The following MCM8 variants were observed in gnomAD, a reference collection of about 807,000 sequenced individuals.
The protein encoded by MCM8 is minichromosome maintenance 8 homologous recombination repair factor, also known as DNA helicase MCM8.
In MCM8, 85 loss-of-function variants were observed where a neutral mutation model predicts 98.9. The ratio of observed to expected loss-of-function variants is 0.86; its 90% CI spans 0.72 to 1.03. MCM8 has a LOEUF of 1.03. Among genes scored for constraint, MCM8 ranks in the 50% least tolerant of loss-of-function variants. MCM8 has a pLI of 0.00. For missense variants in MCM8, 951 were observed against 997.8 expected (o/e 0.95, Z 0.63); for synonymous variants, 352 against 338.6 (o/e 1.04, Z -0.44).
intron 7 of MCM8, among the ~76,000 whole-genome samples, chr20:5,959,331 C>T (rs928343262): frequency 2.0e-5 from 3 of 152,116 alleles, no homozygotes; most frequent in African/African-American, 7.2e-5. Context: ...CCTTTATTTG[C>T]TCCCTAGATG....
intron 13 of MCM8, among the ~76,000 whole-genome samples, chr20:5,982,499 G>C (rs2089649041): frequency 6.6e-6 from 1 of 152,114 alleles, no homozygotes; most frequent in African/African-American, 2.4e-5. Context: ...TATGTTTAAA[G>C]AGATTAAGTG....
In MCM8 at chr20:5,995,593, A is replaced by AT. The variant is rs2089945652; in HGVS notation, c.*1203dup. On this transcript the variant is annotated 3_prime_UTR_variant, in exon 19 of 19. Coordinates refer to ENST00000610722, the MANE Select transcript of MCM8 (RefSeq NM_032485.6). ...TTGCTGAATTCAAAAAAGAAGTTGC[A>AT]TACAAAGACATCTGATTGAAAAAGG... is the stretch of plus-strand genomic sequence containing the variant. The AT allele has an allele frequency of 6.6e-6, 1 of 152,252 alleles. No individual in the cohort carries two copies. Among genetic ancestry groups the AT allele is most frequent in the African/African-American group, 2.4e-5 (1 of 41,478 alleles). 9.4% of individuals were successfully genotyped at this position (152,252 alleles called of 1,614,324 possible).
chr20:5,968,776 T>G (rs2122725796), intron 10 of MCM8, among the ~76,000 whole-genome samples: 1 of 152,340 alleles, frequency 6.6e-6, no homozygotes, highest in South Asian at 2.1e-4. Flanking sequence ...ATACAAGAAG[T>G]TTGTCACTCA....
chr20:5,973,140 GACCCCC>G lies in MCM8; in HGVS notation c.1342_1347del (p.Pro448_His449del), dbSNP rs753814462. On this transcript the variant is annotated inframe_deletion, in exon 12 of 19. Transcript: ENST00000610722. ...CAAAAACAGAATTCCAATTCGGGGA[GACCCCC>G]ACATCCTTGTTGTTGGAGATCCAGG... 1.2e-6 allele frequency: 2 copies of G among 1,614,220 alleles called. No homozygotes were observed. Among genetic ancestry groups the G allele is most frequent in the Non-Finnish European group, 1.7e-6 (2 of 1,180,034 alleles).
intron 13 of MCM8, among the ~76,000 whole-genome samples, chr20:5,978,463 T>C (rs1378377366): frequency 6.6e-6 from 1 of 152,196 alleles, no homozygotes; most frequent in Admixed American, 6.5e-5. Context: ...TTACTATGAT[T>C]TAGCTCTAAA....
At chr20:5,952,842 A>G (rs1446712647) in intron 3 of MCM8, among the ~76,000 whole-genome samples, 4 of 152,264 alleles carry the variant, frequency 2.6e-5, no homozygotes, top group Non-Finnish European at 5.9e-5. Context: ...GGAAGCAGCA[A>G]CCATCCTTAT....
At position 5,957,214 on chromosome 20, in the gene MCM8, C is replaced by T. The variant is rs2089009080; in HGVS notation, c.575C>T (p.Pro192Leu). ...GATGGAGAAACAATGGTAAATGTGC[C>T]ACATATTCATGCAAGGTGAGGAATT... ...SNDGETMVNV[P>L]HIHARVYNYE... Residue 192 changes from proline to leucine, a missense_variant, in exon 6 of 19, where the codon CCA becomes CTA. Transcript: ENST00000610722. The T allele has an allele frequency of 6.2e-7, 1 of 1,612,288 alleles. No homozygotes were observed. The highest frequency in any genetic ancestry group is 8.5e-7 in the Non-Finnish European group (1 of 1,179,098).
chr20:5,958,967 A>G (rs1164792199), intron 7 of MCM8, among the ~76,000 whole-genome samples: 2 of 151,216 alleles, frequency 1.3e-5, no homozygotes, highest in Non-Finnish European at 2.9e-5. Flanking sequence ...AATGATATAA[A>G]GCATTACTGG....
intron 3 of MCM8, 140 bp downstream of exon 3, chr20:5,952,668 G>A: frequency 6.9e-6 from 5 of 723,428 alleles, no homozygotes; most frequent in Non-Finnish European, 1.1e-5. Flanking sequence ...ATTAAATGAT[G>A]TTTATGTTTC....
At position 5,993,519 on chromosome 20, in the gene MCM8, TACTC is replaced by T; in HGVS notation, c.2255_2258del (p.Tyr752LeufsTer7). 2 of 1,569,274 alleles carry T rather than the reference TACTC, an allele frequency of 1.3e-6. No homozygotes were observed. The highest frequency in any genetic ancestry group is 1.7e-6 in the Non-Finnish European group (2 of 1,152,992). Reference sequence around the variant, plus strand: ...TTTCTTTTTAAGCATGCTAGGAACTTACTCTGATGAATTTGGGAACCTAGATTTT... The same window carrying T: ...TTTCTTTTTAAGCATGCTAGGAACTTTGATGAATTTGGGAACCTAGATTTT... On this transcript the variant is annotated frameshift_variant, in exon 18 of 19. Transcript: ENST00000610722. LOFTEE classifies it high-confidence loss of function.
intron 18 of MCM8, 101 bp downstream of exon 18, chr20:5,993,796 G>T (rs761976573): frequency 2.1e-6 from 2 of 961,206 alleles, no homozygotes; most frequent in Non-Finnish European, 1.5e-6. Flanking sequence ...ATTCATACCT[G>T]CTTCTTCTCA....
intron 18 of MCM8, 35 bp from the exon 19 acceptor site, chr20:5,994,264 C>A: frequency 7.9e-7 from 1 of 1,266,510 alleles, no homozygotes; most frequent in Non-Finnish European, 1.1e-6. Flanking sequence ...TGACATGTTA[C>A]TTAATGGGCT....
intron 14 of MCM8, 62 bp downstream of exon 14, chr20:5,983,227 A>G (rs920551644): frequency 3.7e-5 from 51 of 1,377,582 alleles, no homozygotes; most frequent in Non-Finnish European, 4.9e-5. Flanking sequence ...AATAAGAAAA[A>G]GAAATAGTTC....
intron 6 of MCM8, 119 bp downstream of exon 6, chr20:5,957,348 C>T: frequency 1.6e-6 from 1 of 611,474 alleles, no homozygotes; most frequent in Non-Finnish European, 2.8e-6. Flanking sequence ...AGTTCCTTGC[C>T]ATCTCATTGA....
At chr20:5,951,672 G>C (rs2088828255) in intron 1 of MCM8, among the ~76,000 whole-genome samples, 2 of 152,186 alleles carry the variant, frequency 1.3e-5, no homozygotes, top group African/African-American at 2.4e-5. Flanking sequence ...CTGCAAATAA[G>C]TTTTCATAGA....
rs768630241 is a variant in MCM8, at chr20:5,952,062, A to G, written c.47A>G (p.Gln16Arg). 1.2e-6 allele frequency: 2 copies of G among 1,614,116 alleles called. No homozygotes were observed. The highest frequency in any genetic ancestry group is 2.2e-5 in the East Asian group (1 of 44,864). The change falls in exon 2 of 19, where the codon CAA becomes CGA. Residue 16 changes from glutamine to arginine, a missense_variant. Transcript: ENST00000610722. ...RGRGFGRGRF[Q>R]SWKRGRGGGN... Reference sequence around the variant, plus strand: ...AGAGGATTTGGACGAGGAAGATTTCAAAGCTGGAAAAGGGGAAGAGGTGGT... The same window carrying G: ...AGAGGATTTGGACGAGGAAGATTTCGAAGCTGGAAAAGGGGAAGAGGTGGT...
chr20:5,962,374 T>TC (rs2089169476), intron 7 of MCM8, among the ~76,000 whole-genome samples: 2 of 64,502 alleles, frequency 3.1e-5, no homozygotes, highest in Non-Finnish European at 5.0e-5. Context: ...TTTTTTTTTT[T>TC]TTTTTTTTTT....
chr20:5,960,993 C>G (rs567518993), intron 7 of MCM8, among the ~76,000 whole-genome samples: 1 of 152,142 alleles, frequency 6.6e-6, no homozygotes, highest in Non-Finnish European at 1.5e-5. Flanking sequence ...AACATATTTC[C>G]TACATTGCTT....
In MCM8 at chr20:5,957,213, C is replaced by A; in HGVS notation, c.574C>A (p.Pro192Thr). Residue 192 changes from proline (P) to threonine (T), a missense_variant, in exon 6 of 19, where the codon CCA becomes ACA. Transcript: ENST00000610722. ...SNDGETMVNV[P>T]HIHARVYNYE... ...TGATGGAGAAACAATGGTAAATGTG[C>A]CACATATTCATGCAAGGTGAGGAAT... 6.2e-7 allele frequency: 1 copy of A among 1,612,302 alleles called. No homozygotes were observed. The highest frequency in any genetic ancestry group is 8.5e-7 in the Non-Finnish European group (1 of 1,178,992).
Sources: gnomAD v4.1 joint callset for allele counts (sites outside exome capture counted in the v4.1 genomes callset) on GRCh38, gnomAD v4.1.1 for gene constraint, MANE v1.5 for transcripts, NCBI Gene and HGNC (gene_info 2026-07-23, HGNC 2026-07-21) for gene names.